The following KCNC2 variants were observed in gnomAD, a reference collection of about 807,000 sequenced individuals.
KCNC2 encodes voltage-gated potassium channel KCNC2.
Under a neutral mutation model 44.5 loss-of-function variants are expected in KCNC2, and 21 were observed. The ratio of observed to expected loss-of-function variants is 0.47; its 90% CI spans 0.33 to 0.68. KCNC2 has a LOEUF of 0.68. Ranked by LOEUF, KCNC2 falls within the 30% of genes least tolerant of loss-of-function variation. The probability of loss-of-function intolerance (pLI) is 0.01; values close to 1 mark genes in which losing one functional copy is unlikely to be tolerated. For missense variants in KCNC2, 589 were observed against 826.2 expected, an observed-to-expected ratio of 0.71 and a Z score of 3.52; for synonymous variants, 391 against 339.1, an observed-to-expected ratio of 1.15 and a Z score of -1.68.
At chr12:75,139,718 C>A (rs1449976876) in intron 2 of KCNC2, among the ~76,000 whole-genome samples, 3 of 152,134 alleles carry the variant, frequency 2.0e-5, no homozygotes, top group African/African-American at 7.2e-5. Flanking sequence ...TAATAGTTGA[C>A]TTTGAAAGCA....
chr12:75,080,848 T>C (rs1884434947), intron 2 of KCNC2, among the ~76,000 whole-genome samples: 1 of 152,056 alleles, frequency 6.6e-6, no homozygotes, highest in Admixed American at 6.6e-5. Flanking sequence ...AATTGTTAGA[T>C]AGTCATTCGA....
At chr12:75,075,452 TA>T (rs1565832194) in intron 2 of KCNC2, among the ~76,000 whole-genome samples, 1 of 19,962 alleles carries the variant, frequency 5.0e-5, no homozygotes, top group Non-Finnish European at 1.1e-4. Context: ...GAGAAATATA[TA>T]TATACATATA....
chr12:75,081,219 C>T (rs1360290281), intron 2 of KCNC2, among the ~76,000 whole-genome samples: 1 of 151,984 alleles, frequency 6.6e-6, no homozygotes. Flanking sequence ...AAATCCCATT[C>T]TAAATAAAAG....
At position 75,185,381 on chromosome 12, in the gene KCNC2, T is replaced by C. The variant is rs563784355; in HGVS notation, c.687+21916A>G. Among the ~76,000 whole-genome samples the C allele has an allele frequency of 2.0e-5, 3 of 152,298 alleles. 1 individual carries two copies. The highest frequency in any genetic ancestry group is 2.0e-4 in the Admixed American group (3 of 15,294). ...AACTTGATTCCCCATGCAATGGTATTGGGAGGTGGAGCCTCATAGGAAGTG... is the reference window on the plus strand; with the variant it reads ...AACTTGATTCCCCATGCAATGGTATCGGGAGGTGGAGCCTCATAGGAAGTG... On this transcript the variant is annotated intron_variant, in intron 2 of 4. Coordinates refer to ENST00000549446, the MANE Select transcript of KCNC2 (RefSeq NM_139137.4).
intron 2 of KCNC2, among the ~76,000 whole-genome samples, chr12:75,114,499 G>A (rs1887497124): frequency 1.3e-5 from 2 of 152,196 alleles, no homozygotes; most frequent in African/African-American, 4.8e-5. Context: ...CCTCCTTTAA[G>A]TCTTGGCCCC....
In KCNC2 at chr12:75,042,468, A is replaced by G; in HGVS notation, c.*637T>C. On this transcript the variant is annotated 3_prime_UTR_variant, in exon 5 of 5. Transcript: ENST00000549446. ...AGAAATTAAACTATTTAAAACATAT[A>G]TTTCTTTCAAATAATAAGAAAAAAA... 6.7e-7 allele frequency: 1 copy of G among 1,485,428 alleles called. No individual in the cohort carries two copies. The highest frequency in any genetic ancestry group is 9.0e-7 in the Non-Finnish European group (1 of 1,113,908). 92.0% of individuals were successfully genotyped at this position (1,485,428 alleles called of 1,614,324 possible).
intron 2 of KCNC2, among the ~76,000 whole-genome samples, chr12:75,152,253 C>T (rs1037739073): frequency 6.7e-5 from 10 of 148,988 alleles, no homozygotes; most frequent in Non-Finnish European, 1.2e-4. Context: ...TAAATACATA[C>T]GTAAACATAT....
chr12:75,109,626 T>A (rs1179195829), intron 2 of KCNC2, among the ~76,000 whole-genome samples: 2 of 152,228 alleles, frequency 1.3e-5, no homozygotes, highest in East Asian at 3.9e-4. Flanking sequence ...TTAAGTCCCC[T>A]GTCTATTCAC....
At chr12:75,203,938 T>C (rs990925440) in intron 2 of KCNC2, among the ~76,000 whole-genome samples, 3 of 151,904 alleles carry the variant, frequency 2.0e-5, no homozygotes, top group African/African-American at 7.2e-5. Flanking sequence ...GATACATTCT[T>C]CAAAGGAAAG....
chr12:75,101,370 A>C (rs1489741074), intron 2 of KCNC2, among the ~76,000 whole-genome samples: 3 of 152,110 alleles, frequency 2.0e-5, no homozygotes, highest in Non-Finnish European at 4.4e-5. Context: ...GGTTGGAACT[A>C]TTCTGGGAAT....
chr12:75,107,929 T>C (rs554890767), intron 2 of KCNC2, among the ~76,000 whole-genome samples: 30 of 152,178 alleles, frequency 2.0e-4, no homozygotes, highest in South Asian at 8.3e-4. Context: ...AAATTCTATA[T>C]TCACATTATA....
intron 2 of KCNC2, among the ~76,000 whole-genome samples, chr12:75,079,715 C>A (rs1051565657): frequency 6.6e-6 from 1 of 152,214 alleles, no homozygotes. Flanking sequence ...TATATCTAAG[C>A]AACCAAATTG....
intron 2 of KCNC2, among the ~76,000 whole-genome samples, chr12:75,202,894 G>A (rs867652352): frequency 2.7e-5 from 4 of 150,448 alleles, no homozygotes; most frequent in East Asian, 1.9e-4. Context: ...TTTAGGAAAC[G>A]TTTTATTACA....
intron 2 of KCNC2, among the ~76,000 whole-genome samples, chr12:75,134,900 A>G (rs1889119031): frequency 6.6e-6 from 1 of 152,006 alleles, no homozygotes; most frequent in Non-Finnish European, 1.5e-5. Flanking sequence ...TTATCTCCAT[A>G]GCTAGTCTGA....
At chr12:75,146,870 G>A (rs897919715) in intron 2 of KCNC2, among the ~76,000 whole-genome samples, 2 of 152,132 alleles carry the variant, frequency 1.3e-5, no homozygotes, top group African/African-American at 4.8e-5. Context: ...GATTCCCGAG[G>A]AAACACTTTT....
intron 2 of KCNC2, among the ~76,000 whole-genome samples, chr12:75,058,540 G>A (rs1446256725): frequency 3.3e-5 from 5 of 151,966 alleles, no homozygotes; most frequent in African/African-American, 7.3e-5. Flanking sequence ...AAGTGATGGA[G>A]GTGAAGGGAG....
intron 2 of KCNC2, among the ~76,000 whole-genome samples, chr12:75,183,112 C>T (rs2137658837): frequency 6.6e-6 from 1 of 152,306 alleles, no homozygotes; most frequent in East Asian, 1.9e-4. Context: ...AAAAGGTTAT[C>T]CTTTTCAGGA....
intron 2 of KCNC2, among the ~76,000 whole-genome samples, chr12:75,179,145 T>C (rs1892387827): frequency 2.6e-5 from 4 of 152,078 alleles, no homozygotes; most frequent in African/African-American, 9.7e-5. Context: ...ATTTGATACA[T>C]ATAAAACTAT....
chr12:75,163,478 C>T (rs370910464), intron 2 of KCNC2, among the ~76,000 whole-genome samples: 22 of 151,796 alleles, frequency 1.4e-4, no homozygotes, highest in Non-Finnish European at 2.2e-4. Context: ...AGTTTCTGCA[C>T]GCTAATAATT....
Sources: gnomAD v4.1 joint callset for allele counts (sites outside exome capture counted in the v4.1 genomes callset) on GRCh38, gnomAD v4.1.1 for gene constraint, MANE v1.5 for transcripts, NCBI Gene and HGNC (gene_info 2026-07-23, HGNC 2026-07-21) for gene names.